Variants in TLK1 observed in about 807,000 individuals in gnomAD.
TLK1 encodes the protein tousled like kinase 1.
In TLK1, 24 loss-of-function variants were observed where a neutral mutation model predicts 105.3. That is an observed-to-expected ratio of 0.23 (90% CI 0.17 to 0.32). The LOEUF is 0.32. Among genes scored for constraint, TLK1 ranks in the 10% least tolerant of loss-of-function variants. The probability of loss-of-function intolerance (pLI) is 1.00; values close to 1 mark genes in which losing one functional copy is unlikely to be tolerated. For missense variants in TLK1, 558 were observed against 910.5 expected (o/e 0.61, Z 4.98); for synonymous variants, 321 against 310.4 (o/e 1.03, Z -0.36).
chr2:171,134,347 C>A (rs192582699), intron 1 of TLK1, among the ~76,000 whole-genome samples: 7 of 152,222 alleles, frequency 4.6e-5, no homozygotes, highest in Admixed American at 3.3e-4. Flanking sequence ...CAATATATTA[C>A]CTTTGTAAGT....
At chr2:171,091,659 A>G (rs1310478724) in intron 2 of TLK1, 1 of 152,232 alleles carries the variant, frequency 6.6e-6, no homozygotes, top group Non-Finnish European at 1.5e-5. Flanking sequence ...TCTCTTCCCC[A>G]GAAGTTTGAA....
In TLK1 at chr2:171,224,378, C is replaced by T. The variant is rs192882339; in HGVS notation, c.-6+6767G>A. On this transcript the variant is annotated intron_variant, in intron 1 of 20. Transcript: ENST00000521943. ...ATAATTTAAGTCAGGTAATGTGATG[C>T]TAAAGTTTTGTTCTTTTTGCTCAGG... 2.6e-3 allele frequency among the ~76,000 whole-genome samples: 395 copies of T among 152,188 alleles called. 1 individual carries two copies. The highest frequency in any genetic ancestry group is 3.6e-3 in the Non-Finnish European group (248 of 67,996).
At chr2:171,002,345 G>A (rs973954014) in intron 18 of TLK1, among the ~76,000 whole-genome samples, 10 of 151,748 alleles carry the variant, frequency 6.6e-5, no homozygotes, top group Admixed American at 1.3e-4. Context: ...TGCAAGCTCC[G>A]CCTCCCGGGT....
At chr2:171,009,853 C>A (rs370376795) in intron 14 of TLK1, among the ~76,000 whole-genome samples, 2 of 152,090 alleles carry the variant, frequency 1.3e-5, no homozygotes, top group African/African-American at 2.4e-5. Context: ...TATGCCAGTA[C>A]GTAATGAAGC....
chr2:171,097,953 G>C (rs1689519638), intron 2 of TLK1, among the ~76,000 whole-genome samples: 1 of 151,726 alleles, frequency 6.6e-6, no homozygotes, highest in South Asian at 2.1e-4. Flanking sequence ...AGGGGAAAGG[G>C]GTGGGGCGGG....
At chr2:171,014,380 T>G (rs916537209) in intron 13 of TLK1, among the ~76,000 whole-genome samples, 2 of 151,756 alleles carry the variant, frequency 1.3e-5, no homozygotes, top group South Asian at 4.2e-4. Context: ...TTTTTTTTTT[T>G]AAAGAAATGG....
Position 171,070,643 on chromosome 2 carries a change from G to A in TLK1, c.331-9487C>T, listed in dbSNP as rs140381875. Among the ~76,000 whole-genome samples, 1,168 of 151,718 alleles carry A rather than the reference G, an allele frequency of 7.7e-3. 25 individuals are homozygous for A. The highest frequency in any genetic ancestry group is 0.062 in the East Asian group (324 of 5,188). On this transcript the variant is annotated intron_variant, in intron 3 of 20. Coordinates refer to ENST00000431350, the MANE Select transcript of TLK1 (RefSeq NM_012290.5). ...ATGGCTGAATAGTACTCCACTGTGCGTATGTACCACATTTTCTTTATCCAT... is the reference window on the plus strand; with the variant it reads ...ATGGCTGAATAGTACTCCACTGTGCATATGTACCACATTTTCTTTATCCAT...
chr2:171,140,211 C>T (rs1477713315), intron 1 of TLK1, among the ~76,000 whole-genome samples: 1 of 152,110 alleles, frequency 6.6e-6, no homozygotes, highest in African/African-American at 2.4e-5. Context: ...ATTTCAAAGC[C>T]AATTAAAGAA....
intron 3 of TLK1, among the ~76,000 whole-genome samples, chr2:171,067,284 C>T (rs777920112): frequency 4.0e-5 from 6 of 151,360 alleles, no homozygotes; most frequent in Admixed American, 1.3e-4. Context: ...CTCAGCCTCC[C>T]GAGTAGCTGG....
intron 1 of TLK1, among the ~76,000 whole-genome samples, chr2:171,225,485 A>G (rs1292267924): frequency 6.6e-6 from 1 of 152,180 alleles, no homozygotes; most frequent in Admixed American, 6.5e-5. Flanking sequence ...GTCAGCAAGG[A>G]TGTGGAGAAG....
At chr2:171,146,328 T>C (rs575350295) in intron 1 of TLK1, among the ~76,000 whole-genome samples, 1 of 152,220 alleles carries the variant, frequency 6.6e-6, no homozygotes, top group South Asian at 2.1e-4. Flanking sequence ...TGTAAGAATG[T>C]GATTCTTTTG....
intron 18 of TLK1, among the ~76,000 whole-genome samples, chr2:170,999,738 G>C (rs1027699186): frequency 2.6e-5 from 4 of 152,142 alleles, no homozygotes; most frequent in Admixed American, 2.6e-4. Flanking sequence ...GACCCATGCA[G>C]TTGAGAATCC....
chr2:171,045,832 C>T lies in TLK1; in HGVS notation c.1169+342G>A, dbSNP rs1013663277. ...AAACATATAAATGGTAGTTACATTA[C>T]TTCATTCTCTCAGACAAAGGAATGT... On this transcript the variant is annotated intron_variant, in intron 11 of 20. Coordinates refer to ENST00000431350, the MANE Select transcript of TLK1 (RefSeq NM_012290.5). 2.6e-5 allele frequency: 5 copies of T among 191,950 alleles called. No individual in the cohort carries two copies. In the Admixed American group the frequency reaches 3.0e-4, roughly 11 times the overall value. The allele number at this position is 191,950 out of a possible 1,614,324, so 11.9% of individuals were successfully genotyped here.
chr2:171,197,317 G>C (rs1693293946), intron 1 of TLK1, among the ~76,000 whole-genome samples: 1 of 152,008 alleles, frequency 6.6e-6, no homozygotes, highest in African/African-American at 2.4e-5. Flanking sequence ...TTGAGGAAAA[G>C]GAAACTGGTT....
At chr2:171,032,967 G>A (rs187635464) in intron 11 of TLK1, among the ~76,000 whole-genome samples, 6 of 152,250 alleles carry the variant, frequency 3.9e-5, no homozygotes, top group East Asian at 3.9e-4. Context: ...CAGCACTTTC[G>A]GAAGCTGAGG....
At chr2:171,119,780 T>C (rs1033372594) in intron 1 of TLK1, among the ~76,000 whole-genome samples, 8 of 152,160 alleles carry the variant, frequency 5.3e-5, no homozygotes, top group Admixed American at 1.3e-4. Context: ...TGCAAATAAA[T>C]TGAGTTGGAT....
intron 1 of TLK1, among the ~76,000 whole-genome samples, chr2:171,179,431 C>G (rs989944253): frequency 6.6e-6 from 1 of 152,068 alleles, no homozygotes; most frequent in African/African-American, 2.4e-5. Flanking sequence ...TCCCCAATGC[C>G]CCCTATTTGT....
Position 170,996,674 on chromosome 2 carries a change from C to T in TLK1, c.2103G>A (p.Pro701=), listed in dbSNP as rs1334650088. 16 of 1,613,112 alleles carry T rather than the reference C, an allele frequency of 9.9e-6. No homozygotes were observed. Among genetic ancestry groups the T allele is most frequent in the African/African-American group, 1.3e-5 (1 of 74,844 alleles). ...ATACCTTGGCTTCACTGCTTACAAC[C>T]GGTTTTACAGGGAACTGGACTTCTG... ...KATEVQFPVK[P]VVSSEAKAFI... is the part of the protein sequence containing the mutation. Residue 701 remains proline, a synonymous_variant, in exon 20 of 21, where the codon CCG becomes CCA. Coordinates refer to ENST00000431350, the MANE Select transcript of TLK1 (RefSeq NM_012290.5).
At chr2:171,204,703 A>G (rs1039102177) in intron 1 of TLK1, among the ~76,000 whole-genome samples, 4 of 152,250 alleles carry the variant, frequency 2.6e-5, no homozygotes, top group African/African-American at 9.6e-5. Context: ...TCACGCCTGT[A>G]ATCCCAACAC....
Sources: allele counts gnomAD v4.1 joint callset (sites outside exome capture counted in the v4.1 genomes callset), GRCh38; gene constraint gnomAD v4.1.1; transcripts MANE v1.5; gene names NCBI Gene and HGNC (gene_info 2026-07-23, HGNC 2026-07-21).